Variants in ALG6 observed in about 807,000 individuals in gnomAD.
ALG6 encodes ALG6 alpha-1,3-glucosyltransferase.
A neutral mutation model predicts 66.6 loss-of-function variants in ALG6; 46 were observed. The observed-to-expected ratio is 0.69, with a 90% CI of 0.55 to 0.88. The LOEUF (loss-of-function observed/expected upper bound fraction) is 0.88. ALG6 is among the 40% of genes least tolerant of loss of function. The pLI is 0.00. For synonymous variants in ALG6, 185 were observed against 203.7 expected, an observed-to-expected ratio of 0.91 and a Z score of 0.78; for missense variants, 505 against 586.8, an observed-to-expected ratio of 0.86 and a Z score of 1.44.
chr1:63,380,297 C>T (rs1648262395), intron 2 of ALG6, among the ~76,000 whole-genome samples: 1 of 152,122 alleles, frequency 6.6e-6, no homozygotes, highest in Non-Finnish European at 1.5e-5. Flanking sequence ...GAACTGAGGA[C>T]TGAATGGTAG....
chr1:63,392,324 C>T (rs1648696904), intron 2 of ALG6, among the ~76,000 whole-genome samples: 1 of 152,114 alleles, frequency 6.6e-6, no homozygotes, highest in Admixed American at 6.5e-5. Context: ...GCATGTGCCA[C>T]CACACCCAAT....
chr1:63,426,546 T>C (rs1557596751), intron 12 of ALG6, among the ~76,000 whole-genome samples: 1 of 152,126 alleles, frequency 6.6e-6, no homozygotes. Context: ...TGCTTATATG[T>C]AGTAAGTTTT....
At chr1:63,411,106 T>C (rs1263186517) in intron 7 of ALG6, 40 bp from the exon 8 acceptor site, 3 of 1,607,836 alleles carry the variant, frequency 1.9e-6, no homozygotes, top group Non-Finnish European at 1.7e-6. Context: ...CTCTATCTTT[T>C]TAAAAGATTA....
chr1:63,389,275 T>C (rs946472334), intron 2 of ALG6, among the ~76,000 whole-genome samples: 7 of 152,150 alleles, frequency 4.6e-5, no homozygotes, highest in Non-Finnish European at 8.8e-5. Context: ...TCATTCTTAT[T>C]TTTCTTTAGT....
At chr1:63,385,931 G>T (rs181126131) in intron 2 of ALG6, among the ~76,000 whole-genome samples, 1 of 152,232 alleles carries the variant, frequency 6.6e-6, no homozygotes, top group African/African-American at 2.4e-5. Flanking sequence ...TCCCCATTCA[G>T]TATGATACTA....
rs141956639 is a variant in ALG6, at chr1:63,437,241, A to G, written c.*221A>G. Reference sequence around the variant, plus strand: ...TGTCTAAGTACTGCTTGGCCAAAACATGTGGTTTTATTATTCACAGCTATT... The same window carrying G: ...TGTCTAAGTACTGCTTGGCCAAAACGTGTGGTTTTATTATTCACAGCTATT... On this transcript the variant is annotated 3_prime_UTR_variant, in exon 15 of 15. Coordinates refer to ENST00000263440, the MANE Select transcript of ALG6 (RefSeq NM_013339.4). 1.9e-5 allele frequency: 9 copies of G among 479,646 alleles called. No individual in the cohort carries two copies. The highest frequency in any genetic ancestry group is 1.8e-4 in the African/African-American group (9 of 51,404). 29.7% of individuals were successfully genotyped at this position (479,646 alleles called of 1,614,324 possible). A position where few individuals can be genotyped will look rare whatever the true frequency, so the allele number is the denominator to read the frequency against.
intron 14 of ALG6, among the ~76,000 whole-genome samples, chr1:63,435,539 T>C (rs1286631357): frequency 6.6e-6 from 1 of 152,140 alleles, no homozygotes; most frequent in Non-Finnish European, 1.5e-5. Context: ...GGGTTCTGTG[T>C]CCCACCCACT....
chr1:63,382,089 A>C (rs1648330520), intron 2 of ALG6, among the ~76,000 whole-genome samples: 1 of 151,784 alleles, frequency 6.6e-6, no homozygotes. Context: ...TTGTTTTTTA[A>C]AAGTTTTTTT....
At chr1:63,427,256 G>A (rs559984501) in intron 12 of ALG6, among the ~76,000 whole-genome samples, 35 of 148,662 alleles carry the variant, frequency 2.4e-4, no homozygotes, top group Admixed American at 6.8e-4. Context: ...CTCGTGATCC[G>A]CCTGTCTCAG....
At chr1:63,379,367 G>T (rs542802388) in intron 2 of ALG6, among the ~76,000 whole-genome samples, 4 of 152,192 alleles carry the variant, frequency 2.6e-5, no homozygotes, top group Middle Eastern at 3.4e-3. Flanking sequence ...GCAGGCATAT[G>T]GTTAGGAGTT....
chr1:63,428,198 T>A (rs1275162423), intron 12 of ALG6: 1 of 152,824 alleles, frequency 6.5e-6, no homozygotes, highest in Non-Finnish European at 1.5e-5. Flanking sequence ...ATGTAGCTCT[T>A]CCTACTAATT....
chr1:63,405,178 C>T (rs1289483545), intron 5 of ALG6, among the ~76,000 whole-genome samples: 1 of 152,076 alleles, frequency 6.6e-6, no homozygotes, highest in Non-Finnish European at 1.5e-5. Context: ...TTCATCCAGT[C>T]ATGGAATCTT....
At chr1:63,396,005 T>A (rs939137109) in intron 2 of ALG6, among the ~76,000 whole-genome samples, 1 of 152,188 alleles carries the variant, frequency 6.6e-6, no homozygotes, top group African/African-American at 2.4e-5. Flanking sequence ...GTATTATAAG[T>A]AATCTAAAGA....
At chr1:63,402,884 C>G (rs1006385166) in intron 4 of ALG6, among the ~76,000 whole-genome samples, 1 of 151,140 alleles carries the variant, frequency 6.6e-6, no homozygotes, top group Non-Finnish European at 1.5e-5. Context: ...ATCACGAGGT[C>G]AGGAGATTTA....
At chr1:63,393,044 G>T (rs1304434588) in intron 2 of ALG6, among the ~76,000 whole-genome samples, 3 of 152,048 alleles carry the variant, frequency 2.0e-5, no homozygotes, top group African/African-American at 7.2e-5. Context: ...TAGATAGTTG[G>T]ATTTCTTCAG....
chr1:63,410,290 T>C (rs1441142466), intron 7 of ALG6, among the ~76,000 whole-genome samples: 1 of 152,228 alleles, frequency 6.6e-6, no homozygotes, highest in Non-Finnish European at 1.5e-5. Context: ...TTTCTTGCTC[T>C]CTTGCCCAAG....
intron 6 of ALG6, 57 bp from the exon 7 acceptor site, chr1:63,407,005 C>T: frequency 7.4e-7 from 1 of 1,358,794 alleles, no homozygotes; most frequent in African/African-American, 1.4e-5. Context: ...CACACTTTTA[C>T]CCTGCTTGAT....
intron 12 of ALG6, 105 bp downstream of exon 12, chr1:63,419,545 T>A (rs958197647): frequency 1.6e-5 from 13 of 804,822 alleles, no homozygotes; most frequent in Non-Finnish European, 1.9e-6. Context: ...ACAAATGTTA[T>A]ATCTTTGCAT....
chr1:63,435,026 G>A (rs1644670338), intron 14 of ALG6, among the ~76,000 whole-genome samples: 1 of 152,188 alleles, frequency 6.6e-6, no homozygotes, highest in African/African-American at 2.4e-5. Flanking sequence ...AAGGCAGTAA[G>A]AACTGACCAT....
Sources: allele counts gnomAD v4.1 joint callset (sites outside exome capture counted in the v4.1 genomes callset), GRCh38; gene constraint gnomAD v4.1.1; transcripts MANE v1.5; gene names NCBI Gene and HGNC (gene_info 2026-07-23, HGNC 2026-07-21).